The following OPRD1 variants were observed in gnomAD, a reference collection of about 807,000 sequenced individuals.
OPRD1 encodes the protein opioid receptor delta 1, also known as delta-type opioid receptor.
In OPRD1, 19 loss-of-function variants were observed where a neutral mutation model predicts 17.5. The observed-to-expected ratio is 1.09, with a 90% CI of 0.76 to 1.60. The LOEUF (loss-of-function observed/expected upper bound fraction) is 1.60. Ranked by LOEUF, OPRD1 falls within the 40% of genes most tolerant of loss-of-function variation. The pLI is 0.00. For missense variants in OPRD1, 483 were observed against 547.2 expected, an observed-to-expected ratio of 0.88 and a Z score of 1.17; for synonymous variants, 256 against 240.9, an observed-to-expected ratio of 1.06 and a Z score of -0.58.
At position 28,863,195 on chromosome 1, in the gene OPRD1, G is replaced by A. The variant is rs988016403; in HGVS notation, c.1031G>A (p.Ser344Asn). The change falls in exon 3 of 3, where the codon AGC becomes AAC. Residue 344 changes from serine (S) to asparagine (N), a missense_variant. Transcript: ENST00000234961. ...CCCTGCGGCCGCCCAGACCCCAGCA[G>A]CTTCAGCCGCGCCCGCGAAGCCACG... is the stretch of plus-strand genomic sequence containing the variant. ...RKPCGRPDPS[S>N]FSRAREATAR... 7 of 1,590,392 alleles carry A rather than the reference G, an allele frequency of 4.4e-6. 1 individual carries two copies. The Admixed American group carries it at 5.1e-5, about 12-fold the overall frequency.
At chr1:28,831,789 T>C (rs1365978490) in intron 1 of OPRD1, among the ~76,000 whole-genome samples, 1 of 152,024 alleles carries the variant, frequency 6.6e-6, no homozygotes, top group East Asian at 1.9e-4. Context: ...CCTCCTGCCT[T>C]GGCCTCCCAA....
intron 1 of OPRD1, 99 bp from the exon 2 acceptor site, chr1:28,858,855 C>A: frequency 1.6e-6 from 2 of 1,218,290 alleles, no homozygotes; most frequent in Admixed American, 1.8e-5. Context: ...CTCCCCTGAC[C>A]TTTTGCATGT....
chr1:28,837,450 C>T (rs1405313770), intron 1 of OPRD1, among the ~76,000 whole-genome samples: 1 of 152,012 alleles, frequency 6.6e-6, no homozygotes, highest in Non-Finnish European at 1.5e-5. Context: ...GAGATCGAGA[C>T]CAGCCTGGTT....
At chr1:28,819,702 G>GCCTCTCTGACTC (rs1553149393) in intron 1 of OPRD1, among the ~76,000 whole-genome samples, 2 of 152,328 alleles carry the variant, frequency 1.3e-5, no homozygotes, top group African/African-American at 4.8e-5. Flanking sequence ...TCCAACCCAG[G>GCCTCTCTGACTC]CCTCTCTGAC....
intron 1 of OPRD1, among the ~76,000 whole-genome samples, chr1:28,829,336 C>G (rs1333180997): frequency 6.6e-6 from 1 of 152,114 alleles, no homozygotes; most frequent in East Asian, 1.9e-4. Context: ...CAAACCTTCT[C>G]CATATCAGCA....
At chr1:28,838,008 T>C (rs925259997) in intron 1 of OPRD1, among the ~76,000 whole-genome samples, 1 of 151,704 alleles carries the variant, frequency 6.6e-6, no homozygotes, top group African/African-American at 2.4e-5. Context: ...TTTCCTCCTC[T>C]GTACACTGAG....
chr1:28,852,377 A>G (rs1329175611), intron 1 of OPRD1, among the ~76,000 whole-genome samples: 4 of 152,304 alleles, frequency 2.6e-5, no homozygotes, highest in African/African-American at 9.6e-5. Flanking sequence ...TGGCGCAATT[A>G]TTACCTCTGG....
chr1:28,843,183 C>T (rs2088908948), intron 1 of OPRD1, among the ~76,000 whole-genome samples: 1 of 152,136 alleles, frequency 6.6e-6, no homozygotes, highest in South Asian at 2.1e-4. Flanking sequence ...GAGCCAAGAT[C>T]TGAATGGCTC....
At chr1:28,836,613 G>A (rs1281072702) in intron 1 of OPRD1, among the ~76,000 whole-genome samples, 1 of 152,130 alleles carries the variant, frequency 6.6e-6, no homozygotes, top group Admixed American at 6.6e-5. Flanking sequence ...GTGGAAGAAC[G>A]CCTGCTGGCC....
chr1:28,812,208 G>A lies in OPRD1; in HGVS notation c.-176G>A, dbSNP rs2088635264. On this transcript the variant is annotated 5_prime_UTR_variant, in exon 1 of 3. Transcript: ENST00000234961. ...CGAGGAGAGCGGGCGGACGCCGGGGGCTGGGCCGGTGCGGGCGGCGAGGCA... is the reference window on the plus strand; with the variant it reads ...CGAGGAGAGCGGGCGGACGCCGGGGACTGGGCCGGTGCGGGCGGCGAGGCA... 9.5e-6 allele frequency: 2 copies of A among 210,312 alleles called. No homozygotes were observed. The highest frequency in any genetic ancestry group is 1.7e-5 in the Non-Finnish European group (2 of 115,578). 13.0% of individuals were successfully genotyped at this position (210,312 alleles called of 1,614,324 possible).
intron 1 of OPRD1, among the ~76,000 whole-genome samples, chr1:28,849,358 T>TCTGAAGGA (rs1291016305): frequency 6.6e-6 from 1 of 152,152 alleles, no homozygotes; most frequent in African/African-American, 2.4e-5. Flanking sequence ...GAGATTATTT[T>TCTGAAGGA]CTGAAGGCCT....
At chr1:28,815,239 G>A (rs944261772) in intron 1 of OPRD1, among the ~76,000 whole-genome samples, 6 of 152,178 alleles carry the variant, frequency 3.9e-5, no homozygotes, top group Non-Finnish European at 8.8e-5. Context: ...TCAGGCTCCT[G>A]GGTAGCTGGG....
intron 1 of OPRD1, among the ~76,000 whole-genome samples, chr1:28,833,953 C>G (rs2088828497): frequency 6.6e-6 from 1 of 152,132 alleles, no homozygotes; most frequent in Non-Finnish European, 1.5e-5. Flanking sequence ...TTTTTGTTGC[C>G]CAGGCTGGAG....
intron 1 of OPRD1, among the ~76,000 whole-genome samples, chr1:28,819,239 G>A (rs1379725971): frequency 6.6e-6 from 1 of 152,014 alleles, no homozygotes; most frequent in Admixed American, 6.6e-5. Flanking sequence ...CTATTCAAGA[G>A]GCTAAGATGT....
chr1:28,827,098 C>A (rs904990025), intron 1 of OPRD1, among the ~76,000 whole-genome samples: 8 of 151,972 alleles, frequency 5.3e-5, no homozygotes, highest in African/African-American at 1.9e-4. Context: ...AGTTCAAGAC[C>A]AACCTGGGCA....
intron 1 of OPRD1, among the ~76,000 whole-genome samples, chr1:28,850,808 A>G (rs1003857182): frequency 1.5e-5 from 2 of 136,116 alleles, no homozygotes; most frequent in Non-Finnish European, 3.0e-5. Context: ...TAATAATAAT[A>G]ATAATAATAA....
Position 28,868,715 on chromosome 1 carries a change from C to T in OPRD1, c.*5432C>T, listed in dbSNP as rs1325749790. The T allele has an allele frequency of 1.3e-5, 2 of 152,242 alleles. No individual in the cohort carries two copies. Among genetic ancestry groups the T allele is most frequent in the African/African-American group, 2.4e-5 (1 of 41,398 alleles). 9.4% of individuals were successfully genotyped at this position (152,242 alleles called of 1,614,324 possible). A position where few individuals can be genotyped will look rare whatever the true frequency, so the allele number is the denominator to read the frequency against. On this transcript the variant is annotated 3_prime_UTR_variant, in exon 3 of 3. Transcript: ENST00000234961. ...ATTAGCCAGGCGTGGTGGCGTGCAC[C>T]TGTAATCCCAGCTACTCAGGAGGCT...
At chr1:28,830,923 C>G (rs2088803982) in intron 1 of OPRD1, among the ~76,000 whole-genome samples, 1 of 152,202 alleles carries the variant, frequency 6.6e-6, no homozygotes. Flanking sequence ...GATAATGAGG[C>G]CTTTTGGATC....
chr1:28,855,180 G>A (rs1450181117), intron 1 of OPRD1, among the ~76,000 whole-genome samples: 2 of 152,172 alleles, frequency 1.3e-5, no homozygotes, highest in African/African-American at 4.8e-5. Context: ...GAGTGGTCAG[G>A]GAGGGCCTCC....
Sources: gnomAD v4.1 joint callset for allele counts (sites outside exome capture counted in the v4.1 genomes callset) on GRCh38, gnomAD v4.1.1 for gene constraint, MANE v1.5 for transcripts, NCBI Gene and HGNC (gene_info 2026-07-23, HGNC 2026-07-21) for gene names.